SIX2: variants seen among roughly 807,000 people sequenced by gnomAD.
SIX2 encodes SIX homeobox 2, also known as homeobox protein SIX2.
In SIX2, 20 loss-of-function variants were observed where a neutral mutation model predicts 22.8. That is an observed-to-expected ratio of 0.88 (90% CI 0.62 to 1.28). The LOEUF (loss-of-function observed/expected upper bound fraction) is 1.28, where lower values mean the gene tolerates loss of function less well. Among genes scored for constraint, SIX2 ranks in the 50% most tolerant of loss-of-function variants. SIX2 has a pLI of 0.00. For missense variants in SIX2, 360 were observed against 400.0 expected (o/e 0.90, Z 0.85); for synonymous variants, 195 against 186.4 (o/e 1.05, Z -0.37).
In SIX2 at chr2:45,008,380, T is replaced by C. The variant is rs1260532039; in HGVS notation, c.560+171A>G. On this transcript the variant is annotated intron_variant, in intron 1 of 1. Transcript: ENST00000303077. ...TTTAGACAAATCCCTGCTCGCCGGG[T>C]CTCCGGCATAGAAAGGCCTAAGCAT... Among the ~76,000 whole-genome samples the C allele has an allele frequency of 2.0e-5, 3 of 152,242 alleles. No individual in the cohort carries two copies. In the East Asian group the frequency reaches 5.8e-4, roughly 29 times the overall value.
Position 45,005,386 on chromosome 2 carries a change from G to C in SIX2, c.*784C>G, listed in dbSNP as rs1667731108. The C allele has an allele frequency of 6.6e-6, 1 of 151,804 alleles. No homozygotes were observed. Among genetic ancestry groups the C allele is most frequent in the Admixed American group, 6.6e-5 (1 of 15,266 alleles). 9.4% of individuals were successfully genotyped at this position (151,804 alleles called of 1,614,324 possible). A position where few individuals can be genotyped will look rare whatever the true frequency, so the allele number is the denominator to read the frequency against. On this transcript the variant is annotated 3_prime_UTR_variant, in exon 2 of 2. Coordinates refer to ENST00000303077, the MANE Select transcript of SIX2 (RefSeq NM_016932.5). ...TGGCGGGGCCTCGCCAAGAGAGAAG[G>C]AGGAGGGGCGTATGACGAGGCGGCG... is the stretch of plus-strand genomic sequence containing the variant.
Position 45,008,871 on chromosome 2 carries a change from G to C in SIX2, c.240C>G (p.His80Gln). The C allele has an allele frequency of 2.5e-6, 4 of 1,614,034 alleles. No individual in the cohort carries two copies. Among genetic ancestry groups the C allele is most frequent in the Non-Finnish European group, 2.5e-6 (3 of 1,179,984 alleles). Reference protein sequence around the residue: ...LESHQFSPHNHAKLQQLWLKA... With the variant: ...LESHQFSPHNQAKLQQLWLKA... ...TGAGCCACAGCTGCTGCAGCTTGGCGTGGTTGTGCGGCGAGAACTGGTGGC... is the reference window on the plus strand; with the variant it reads ...TGAGCCACAGCTGCTGCAGCTTGGCCTGGTTGTGCGGCGAGAACTGGTGGC... Residue 80 changes from histidine (H) to glutamine (Q), a missense_variant, in exon 1 of 2, where the codon CAC becomes CAG. His to Gln is a conservative substitution (Grantham distance 24). Transcript: ENST00000303077.
chr2:45,005,872 G>A lies in SIX2; in HGVS notation c.*298C>T. ...AAGGGGGAAAAGGCAAGACAAGAGA[G>A]GGTAAAAGGAAGAGACAGAGGGAGA... On this transcript the variant is annotated 3_prime_UTR_variant, in exon 2 of 2. Transcript: ENST00000303077. The A allele has an allele frequency of 1.9e-6, 1 of 527,676 alleles. No individual in the cohort carries two copies. Among genetic ancestry groups the A allele is most frequent in the Middle Eastern group, 5.0e-4 (1 of 2,008 alleles). 32.7% of individuals were successfully genotyped at this position (527,676 alleles called of 1,614,324 possible). A position where few individuals can be genotyped will look rare whatever the true frequency, so the allele number is the denominator to read the frequency against.
Position 45,008,639 on chromosome 2 carries a change from C to G in SIX2, c.472G>C (p.Ala158Pro). The change falls in exon 1 of 2, where the codon GCG becomes CCG. Residue 158 changes from alanine (A) to proline (P), a missense_variant. This residue lies in a region of SIX2 where 235 missense variants were observed against 231.9 expected (regional missense o/e 1.01). Transcript: ENST00000303077. ...GTGGTGGTGAGGCCCGTGGCCTCCG[C>G]CAGCTCACGCTTCTCGCGGGGTGAA... Reference protein sequence around the residue: ...YPSPREKRELAEATGLTTTQV... With the variant: ...YPSPREKRELPEATGLTTTQV... The G allele has an allele frequency of 6.2e-7, 1 of 1,614,064 alleles. No homozygotes were observed. Among genetic ancestry groups the G allele is most frequent in the Non-Finnish European group, 8.5e-7 (1 of 1,179,970 alleles).
intron 1 of SIX2, among the ~76,000 whole-genome samples, chr2:45,008,265 TCTG>T (rs996255496): frequency 6.6e-6 from 1 of 152,280 alleles, no homozygotes. Flanking sequence ...GGCCCACAGT[TCTG>T]CGCTGCCCCG....
intron 1 of SIX2, 131 bp downstream of exon 1, chr2:45,008,420 C>T (rs375822813): frequency 1.5e-5 from 14 of 944,748 alleles, no homozygotes; most frequent in African/African-American, 1.1e-4. Flanking sequence ...CAAGTCAGGC[C>T]GGGCTGCCGC....
chr2:45,009,143 G>T lies in SIX2; in HGVS notation c.-33C>A. 1 of 1,501,296 alleles carries T rather than the reference G, an allele frequency of 6.7e-7. No homozygotes were observed. The highest frequency in any genetic ancestry group is 8.8e-7 in the Non-Finnish European group (1 of 1,133,428). The allele number at this position is 1,501,296 out of a possible 1,614,324, so 93.0% of individuals were successfully genotyped here. ...GCTGCGTCCCCGCCCGCCCGCGCGC[G>T]CCCTCACCGGGCCGCGCGGTCCCGC... On this transcript the variant is annotated 5_prime_UTR_variant, in exon 1 of 2. Transcript: ENST00000303077.
rs150988696 is a variant in SIX2 at position 45,006,272 on chromosome 2, C to A, written c.774G>T (p.Pro258=). 6 of 1,614,180 alleles carry A rather than the reference C, an allele frequency of 3.7e-6. No individual in the cohort carries two copies. The highest frequency in any genetic ancestry group is 1.1e-5 in the South Asian group (1 of 91,086). ...GGTCCGCTCCACCTCCGCCTGGCACCGGCACTGGCACTGCGCTGGGGCCCG... is the reference window on the plus strand; with the variant it reads ...GGTCCGCTCCACCTCCGCCTGGCACAGGCACTGGCACTGCGCTGGGGCCCG... ...HPPGPSAVPV[P]VPGGGGADPL... is the part of the protein sequence containing the mutation. Residue 258 remains proline (P), a synonymous_variant, in exon 2 of 2, where the codon CCG becomes CCT. Transcript: ENST00000303077. The surrounding 1 kb of genome is among the most constrained non-coding windows in gnomAD (Gnocchi z 4.2).
Position 45,008,809 on chromosome 2 carries a change from C to T in SIX2, c.302G>A (p.Arg101Gln), listed in dbSNP as rs1474185385. 1.2e-6 allele frequency: 2 copies of T among 1,613,732 alleles called. No individual in the cohort carries two copies. The highest frequency in any genetic ancestry group is 2.2e-5 in the South Asian group (2 of 91,086). ...GTATTTGCCCACGGCGCCCAGGGGT[C>T]GGCCGCGCAGCTTCTCCGCCTCGAT... ...HYIEAEKLRG[R>Q]PLGAVGKYRV... The change falls in exon 1 of 2, where the codon CGA becomes CAA. Residue 101 changes from arginine (R) to glutamine (Q), a missense_variant. Arg to Gln is a conservative substitution (Grantham distance 43, BLOSUM62 1). This residue lies in a region of SIX2 where 118 missense variants were observed against 135.1 expected (regional missense o/e 0.87). Coordinates refer to ENST00000303077, the MANE Select transcript of SIX2 (RefSeq NM_016932.5).
Position 45,006,475 on chromosome 2 carries a change from CGTT to C in SIX2, c.568_570del (p.Asn190del), listed in dbSNP as rs748324030. On this transcript the variant is annotated inframe_deletion, in exon 2 of 2. Coordinates refer to ENST00000303077, the MANE Select transcript of SIX2 (RefSeq NM_016932.5). This position sits in a 1 kb window ranked among gnomAD's most constrained non-coding sequence, Gnocchi z 4.2. ...TTGTGGCTGTTAGAATTGGAGTTCT[CGTT>C]GTTCTCCCTGCAAGTGCGGGAGCAA... 34 of 1,613,430 alleles carry C rather than the reference CGTT, an allele frequency of 2.1e-5. No individual in the cohort carries two copies. In the African/African-American group the frequency reaches 3.5e-4, roughly 16 times the overall value.
chr2:45,008,488 C>A lies in SIX2; in HGVS notation c.560+63G>T. 1.9e-6 allele frequency: 3 copies of A among 1,552,020 alleles called. No homozygotes were observed. The South Asian group carries it at 3.3e-5, about 17-fold the overall frequency. On this transcript the variant is annotated intron_variant, in intron 1 of 1. Transcript: ENST00000303077. ...GGCCTCTCCGGGGGACCGGCAGAAG[C>A]CCTGCGAACCCCTCCCTTGGGCCCC... is the stretch of plus-strand genomic sequence containing the variant.
In SIX2 at chr2:45,008,934, G is replaced by T; in HGVS notation, c.177C>A (p.His59Gln). The change falls in exon 1 of 2, where the codon CAC (histidine) becomes CAA (glutamine). Residue 59 changes from histidine to glutamine, a missense_variant. His to Gln is a conservative substitution (Grantham distance 24, BLOSUM62 0). Transcript: ENST00000303077. The part of the protein sequence containing the change: ...VLKAKAVVAF[H>Q]RGNFRELYKI... ...TGTAGAGCTCGCGGAAGTTGCCGCG[G>T]TGGAAGGCCACCACGGCCTTGGCCT... 6.2e-7 allele frequency: 1 copy of T among 1,613,900 alleles called. No homozygotes were observed. Among genetic ancestry groups the T allele is most frequent in the Non-Finnish European group, 8.5e-7 (1 of 1,179,970 alleles).
rs942997245 is a variant in SIX2, at chr2:45,005,580, T to G, written c.*590A>C. 6.0e-6 allele frequency: 1 copy of G among 165,634 alleles called. No homozygotes were observed. Among genetic ancestry groups the G allele is most frequent in the Admixed American group, 5.5e-5 (1 of 18,120 alleles). 10.3% of individuals were successfully genotyped at this position (165,634 alleles called of 1,614,324 possible). A position where few individuals can be genotyped will look rare whatever the true frequency, so the allele number is the denominator to read the frequency against. ...TCCTCTTCCCTCTCCCACCCCCTAC[T>G]CCGGTAAAGCGAGGGCCAGAGGTAG... On this transcript the variant is annotated 3_prime_UTR_variant, in exon 2 of 2. Coordinates refer to ENST00000303077, the MANE Select transcript of SIX2 (RefSeq NM_016932.5).
chr2:45,006,251 C>T lies in SIX2; in HGVS notation c.795G>A (p.Ala265=), dbSNP rs76298925. 634 of 1,614,208 alleles carry T rather than the reference C, an allele frequency of 3.9e-4. 6 individuals carry two copies. In the East Asian group the frequency reaches 0.013, roughly 33 times the overall value. The change falls in exon 2 of 2, where the codon GCG becomes GCA. Residue 265 remains alanine (A), a synonymous_variant. Transcript: ENST00000303077. The surrounding 1 kb of genome is among the most constrained non-coding windows in gnomAD (Gnocchi z 4.2). ...GGCCATGGTGGTGTTGCAGTGGGTCCGCTCCACCTCCGCCTGGCACCGGCA... is the reference window on the plus strand; with the variant it reads ...GGCCATGGTGGTGTTGCAGTGGGTCTGCTCCACCTCCGCCTGGCACCGGCA... The part of the protein sequence containing the change: ...VPVPVPGGGG[A]DPLQHHHGLQ...
chr2:45,006,108 A>ACCGCCACTCCACGTCC lies in SIX2; in HGVS notation c.*46_*61dup. 2 of 1,577,184 alleles carry ACCGCCACTCCACGTCC rather than the reference A, an allele frequency of 1.3e-6. No homozygotes were observed. Among genetic ancestry groups the ACCGCCACTCCACGTCC allele is most frequent in the East Asian group, 4.5e-5 (2 of 44,678 alleles). On this transcript the variant is annotated 3_prime_UTR_variant, in exon 2 of 2. Coordinates refer to ENST00000303077, the MANE Select transcript of SIX2 (RefSeq NM_016932.5). The surrounding 1 kb of genome is among the most constrained non-coding windows in gnomAD (Gnocchi z 4.2). ...CCGCAGGGGCGGGGCGCCCCTGGAC[A>ACCGCCACTCCACGTCC]CCGCCACTCCACGTCCCCAGTGTCA...
chr2:45,006,073 C>A lies in SIX2; in HGVS notation c.*97G>T. 1.5e-6 allele frequency: 2 copies of A among 1,327,620 alleles called. No homozygotes were observed. The highest frequency in any genetic ancestry group is 4.6e-5 in the East Asian group (2 of 43,526). 82.2% of individuals were successfully genotyped at this position (1,327,620 alleles called of 1,614,324 possible). ...CGCTCAGCCTGCGGGTCTTTCAGTA[C>A]CTGGTGGGGCCGCAGGGGCGGGGCG... is the stretch of plus-strand genomic sequence containing the variant. On this transcript the variant is annotated 3_prime_UTR_variant, in exon 2 of 2. Transcript: ENST00000303077. This position sits in a 1 kb window ranked among gnomAD's most constrained non-coding sequence, Gnocchi z 4.2.
chr2:45,006,057 T>G lies in SIX2; in HGVS notation c.*113A>C. Reference sequence around the variant, plus strand: ...ACCCGGCTGTTCTACCCGCTCAGCCTGCGGGTCTTTCAGTACCTGGTGGGG... The same window carrying G: ...ACCCGGCTGTTCTACCCGCTCAGCCGGCGGGTCTTTCAGTACCTGGTGGGG... On this transcript the variant is annotated 3_prime_UTR_variant, in exon 2 of 2. Coordinates refer to ENST00000303077, the MANE Select transcript of SIX2 (RefSeq NM_016932.5). This position sits in a 1 kb window ranked among gnomAD's most constrained non-coding sequence, Gnocchi z 4.2. 2.7e-6 allele frequency: 3 copies of G among 1,126,476 alleles called. No homozygotes were observed. The highest frequency in any genetic ancestry group is 1.9e-4 in the Middle Eastern group (1 of 5,154). The allele number at this position is 1,126,476 out of a possible 1,614,324, so 69.8% of individuals were successfully genotyped here. A position where few individuals can be genotyped will look rare whatever the true frequency, so the allele number is the denominator to read the frequency against.
chr2:45,009,331 A>G lies in SIX2; in HGVS notation c.-221T>C. 1 of 213,874 alleles carries G rather than the reference A, an allele frequency of 4.7e-6. No individual in the cohort carries two copies. The highest frequency in any genetic ancestry group is 8.7e-6 in the Non-Finnish European group (1 of 114,302). The allele number at this position is 213,874 out of a possible 1,614,324, so 13.2% of individuals were successfully genotyped here. On this transcript the variant is annotated 5_prime_UTR_variant, in exon 1 of 2. Coordinates refer to ENST00000303077, the MANE Select transcript of SIX2 (RefSeq NM_016932.5). ...CCCAACGGCCCGCGCGCCTGGCCCA[A>G]GCCCTCGCCCAAGCCCGGGGGCCGC...
chr2:45,008,817 C>T lies in SIX2; in HGVS notation c.294G>A (p.Leu98=). ...CCACGGCGCCCAGGGGTCGGCCGCGCAGCTTCTCCGCCTCGATGTAGTGTG... is the reference window on the plus strand; with the variant it reads ...CCACGGCGCCCAGGGGTCGGCCGCGTAGCTTCTCCGCCTCGATGTAGTGTG... ...LKAHYIEAEK[L]RGRPLGAVGK... Residue 98 remains leucine, a synonymous_variant, in exon 1 of 2, where the codon CTG becomes CTA. Transcript: ENST00000303077. The T allele has an allele frequency of 6.2e-7, 1 of 1,613,890 alleles. No homozygotes were observed. The highest frequency in any genetic ancestry group is 8.5e-7 in the Non-Finnish European group (1 of 1,179,966).
Sources: allele counts gnomAD v4.1 joint callset (sites outside exome capture counted in the v4.1 genomes callset), GRCh38; gene constraint gnomAD v4.1.1; regional missense constraint gnomAD v4.1.1; non-coding constraint Gnocchi (gnomAD v3.1); transcripts MANE v1.5; gene names NCBI Gene and HGNC (gene_info 2026-07-23, HGNC 2026-07-21).